The following FUT8 variants were observed in gnomAD, a reference collection of about 807,000 sequenced individuals.
FUT8 encodes the protein alpha-(1,6)-fucosyltransferase.
A neutral mutation model predicts 71.3 loss-of-function variants in FUT8; 29 were observed. The ratio of observed to expected loss-of-function variants is 0.41; its 90% CI spans 0.30 to 0.55. The LOEUF is 0.55. Among genes scored for constraint, FUT8 ranks in the 20% least tolerant of loss-of-function variants. The pLI, the probability that FUT8 is intolerant of heterozygous loss-of-function variation, is 0.34. For synonymous variants in FUT8, 254 were observed against 239.3 expected (o/e 1.06, Z -0.57); for missense variants, 544 against 702.1 (o/e 0.77, Z 2.55).
chr14:65,399,271 C>T, the FUT8 span, among the ~76,000 whole-genome samples: 111 of 152,220 alleles, frequency 7.3e-4, no homozygotes, highest in African/African-American at 2.6e-3. Context: ...GAGCCGCGAT[C>T]GCGCCACTGC....
intron 3 of FUT8, among the ~76,000 whole-genome samples, chr14:65,612,993 A>G (rs1273323864): frequency 3.3e-5 from 5 of 151,860 alleles, no homozygotes; most frequent in Non-Finnish European, 7.4e-5. Flanking sequence ...TGGAAAGAAT[A>G]GTTCTCCTGT....
chr14:65,466,769 A>G (rs563539478), intron 2 of FUT8, among the ~76,000 whole-genome samples: 1 of 152,264 alleles, frequency 6.6e-6, no homozygotes, highest in African/African-American at 2.4e-5. Context: ...GAATAAAATG[A>G]AATTATTTTT....
At chr14:65,424,601 G>A (rs1224307845) in intron 1 of FUT8, among the ~76,000 whole-genome samples, 1 of 142,666 alleles carries the variant, frequency 7.0e-6, no homozygotes, top group Non-Finnish European at 1.5e-5. Flanking sequence ...GCAGTGGCAC[G>A]ATCTCGGCTC....
intron 6 of FUT8, among the ~76,000 whole-genome samples, chr14:65,654,459 G>A (rs1891564331): frequency 6.6e-6 from 1 of 152,040 alleles, no homozygotes; most frequent in Non-Finnish European, 1.5e-5. Context: ...ATGGTGGCAT[G>A]TGCCTGTAAT....
intron 1 of FUT8, among the ~76,000 whole-genome samples, chr14:65,446,739 G>T (rs2065748001): frequency 7.1e-6 from 1 of 139,870 alleles, no homozygotes; most frequent in Admixed American, 7.5e-5. Flanking sequence ...GCTTAATGAA[G>T]CTCAAATTGT....
chr14:65,365,768 T>C, the FUT8 span, among the ~76,000 whole-genome samples: 7 of 152,150 alleles, frequency 4.6e-5, no homozygotes, highest in Non-Finnish European at 1.0e-4. Context: ...TAAATAACCA[T>C]ATAAATGGGC....
intron 3 of FUT8, among the ~76,000 whole-genome samples, chr14:65,577,194 C>G (rs1318544529): frequency 6.6e-6 from 1 of 152,112 alleles, no homozygotes; most frequent in African/African-American, 2.4e-5. Flanking sequence ...CTTATTTCTT[C>G]TTGCTTTTAT....
At chr14:65,692,223 G>GC (rs1893655239) in intron 7 of FUT8, among the ~76,000 whole-genome samples, 2 of 150,884 alleles carry the variant, frequency 1.3e-5, no homozygotes, top group African/African-American at 4.9e-5. Context: ...GGCTGGCCAG[G>GC]CGGGGGGCTG....
chr14:65,364,898 G>T, the FUT8 span, among the ~76,000 whole-genome samples: 1 of 152,114 alleles, frequency 6.6e-6, no homozygotes, highest in Non-Finnish European at 1.5e-5. Context: ...GATTGCACAT[G>T]TGTCTTCTCT....
At chr14:65,692,859 A>C (rs1388255037) in intron 7 of FUT8, among the ~76,000 whole-genome samples, 7 of 134,232 alleles carry the variant, frequency 5.2e-5, no homozygotes, top group Non-Finnish European at 7.9e-5. Context: ...CGCTCCTCAC[A>C]TCCCAGACGG....
At chr14:65,495,857 GATAGGTGGTGGGA>G (rs1159618747) in intron 2 of FUT8, among the ~76,000 whole-genome samples, 2 of 152,136 alleles carry the variant, frequency 1.3e-5, no homozygotes, top group African/African-American at 2.4e-5. Context: ...CCATTTTGGG[GATAGGTGGTGGGA>G]ATAGACAAGC....
At chr14:65,470,473 C>T (rs540789550) in intron 2 of FUT8, among the ~76,000 whole-genome samples, 2 of 152,334 alleles carry the variant, frequency 1.3e-5, no homozygotes, top group East Asian at 3.9e-4. Context: ...GAGCATGCAG[C>T]CCTGGCTCCG....
At chr14:65,532,652 C>G (rs1884032887) in intron 2 of FUT8, among the ~76,000 whole-genome samples, 1 of 152,108 alleles carries the variant, frequency 6.6e-6, no homozygotes. Flanking sequence ...AATGAGATCC[C>G]ATTTGTCAGT....
In FUT8 at chr14:65,669,129, C is replaced by T. The variant is rs115762967; in HGVS notation, c.598-114C>T. The T allele has an allele frequency of 3.0e-3, 2,178 of 728,074 alleles. 37 individuals are homozygous for T. The African/African-American group carries it at 0.035, about 12-fold the overall frequency. 45.1% of individuals were successfully genotyped at this position (728,074 alleles called of 1,614,324 possible). A position where few individuals can be genotyped will look rare whatever the true frequency, so the allele number is the denominator to read the frequency against. ...CCAAACCCCACGACACACAATTTAT[C>T]TATAGAACAAACCTGCATGTGTACC... On this transcript the variant is annotated intron_variant, in intron 6 of 10. Coordinates refer to ENST00000673929, the MANE Select transcript of FUT8 (RefSeq NM_001371533.1). The surrounding 1 kb of genome is among the most constrained non-coding windows in gnomAD (Gnocchi z 4.5).
chr14:65,368,938 G>T, the FUT8 span, among the ~76,000 whole-genome samples: 1 of 152,204 alleles, frequency 6.6e-6, no homozygotes, highest in Non-Finnish European at 1.5e-5. Flanking sequence ...GGGATTACAG[G>T]CGTGAGCCAC....
chr14:65,680,662 C>T (rs1425643072), intron 7 of FUT8, among the ~76,000 whole-genome samples: 2 of 152,284 alleles, frequency 1.3e-5, no homozygotes, highest in Middle Eastern at 3.4e-3. Flanking sequence ...TGAAAGTATA[C>T]GTTTCTTTAA....
intron 2 of FUT8, chr14:65,471,250 T>G (rs2066142328): frequency 5.8e-6 from 1 of 172,152 alleles, no homozygotes; most frequent in East Asian, 1.9e-4. Flanking sequence ...TAGATGGGGC[T>G]GGAGTTGGGT....
At chr14:65,359,323 A>G in the FUT8 span, among the ~76,000 whole-genome samples, 1 of 152,228 alleles carries the variant, frequency 6.6e-6, no homozygotes, top group African/African-American at 2.4e-5. Flanking sequence ...TTTCTTGTGT[A>G]TTGCAGCAAA....
the FUT8 span, among the ~76,000 whole-genome samples, chr14:65,388,670 G>A: frequency 0.13 from 20,430 of 152,116 alleles, 2,035 homozygotes; most frequent in East Asian, 0.54. Flanking sequence ...GCTGAGGCAG[G>A]AGAATTGCTT....
Sources: allele counts gnomAD v4.1 joint callset (sites outside exome capture counted in the v4.1 genomes callset), GRCh38; gene constraint gnomAD v4.1.1; non-coding constraint Gnocchi (gnomAD v3.1); transcripts MANE v1.5; gene names NCBI Gene and HGNC (gene_info 2026-07-23, HGNC 2026-07-21).